Variants in WDR41 observed in about 807,000 individuals in gnomAD.
The protein encoded by WDR41 is WD repeat-containing protein 41.
WDR41 carries 63 observed loss-of-function variants against 69.3 expected under a neutral mutation model. The observed-to-expected ratio is 0.91, with a 90% CI of 0.74 to 1.12. The LOEUF is 1.12. Among genes scored for constraint, WDR41 ranks in the 50% most tolerant of loss-of-function variants. The pLI is 0.00. For synonymous variants in WDR41, 185 were observed against 192.1 expected (o/e 0.96, Z 0.31); for missense variants, 543 against 534.5 (o/e 1.02, Z -0.16).
chr5:77,552,431 G>A (rs1439303358), intron 1 of WDR41, among the ~76,000 whole-genome samples: 1 of 152,140 alleles, frequency 6.6e-6, no homozygotes, highest in Non-Finnish European at 1.5e-5. Flanking sequence ...TTATGAACTG[G>A]AAGACTCAGT....
intron 1 of WDR41, among the ~76,000 whole-genome samples, chr5:77,555,933 A>C (rs906667523): frequency 6.6e-6 from 1 of 152,096 alleles, no homozygotes; most frequent in Non-Finnish European, 1.5e-5. Flanking sequence ...AAACAGAAGG[A>C]AGAGACTTGC....
At chr5:77,545,242 G>A (rs1038380688) in intron 1 of WDR41, among the ~76,000 whole-genome samples, 1 of 151,954 alleles carries the variant, frequency 6.6e-6, no homozygotes. Flanking sequence ...ATCTAAGGTC[G>A]CACCTCAAGG....
intron 1 of WDR41, among the ~76,000 whole-genome samples, chr5:77,601,743 A>G (rs185298301): frequency 1.7e-3 from 263 of 152,340 alleles, no homozygotes; most frequent in African/African-American, 6.0e-3. Flanking sequence ...CAGAATGGAA[A>G]TAAAGTGAAA....
intron 1 of WDR41, among the ~76,000 whole-genome samples, chr5:77,527,282 A>C (rs971088197): frequency 2.0e-5 from 3 of 151,972 alleles, no homozygotes; most frequent in Non-Finnish European, 4.4e-5. Context: ...ACAGTATTAA[A>C]AGTGAAAGGA....
At chr5:77,608,872 C>T (rs529791672) in intron 1 of WDR41, among the ~76,000 whole-genome samples, 2 of 152,226 alleles carry the variant, frequency 1.3e-5, no homozygotes, top group African/African-American at 4.8e-5. Flanking sequence ...TCGGGAAGCA[C>T]AAGGGGACAG....
At chr5:77,451,492 G>C (rs1799627011) in intron 6 of WDR41, 139 bp from the exon 7 acceptor site, 1 of 673,550 alleles carries the variant, frequency 1.5e-6, no homozygotes, top group Non-Finnish European at 2.5e-6. Flanking sequence ...ACACTTCCTT[G>C]CTTGCTTACT....
chr5:77,602,044 C>T (rs920468602), intron 1 of WDR41, among the ~76,000 whole-genome samples: 8 of 152,146 alleles, frequency 5.3e-5, no homozygotes, highest in Non-Finnish European at 1.2e-4. Flanking sequence ...TGTTATCAAA[C>T]ATTACAACTT....
chr5:77,473,237 T>C (rs1422523133), intron 2 of WDR41, among the ~76,000 whole-genome samples: 7 of 152,136 alleles, frequency 4.6e-5, no homozygotes, highest in South Asian at 2.1e-4. Flanking sequence ...AACTGGCTAG[T>C]CATATGCAGA....
intron 9 of WDR41, among the ~76,000 whole-genome samples, chr5:77,440,313 G>A (rs948958854): frequency 4.6e-5 from 7 of 152,058 alleles, no homozygotes; most frequent in Non-Finnish European, 1.0e-4. Context: ...TAGTCCATTG[G>A]TACTAATCTC....
At chr5:77,594,512 AT>A in intron 1 of WDR41, among the ~76,000 whole-genome samples, 1 of 152,312 alleles carries the variant, frequency 6.6e-6, no homozygotes, top group East Asian at 1.9e-4. Flanking sequence ...GTGATCCATG[AT>A]TTTTAAAATT....
At chr5:77,471,822 G>A (rs1447175950) in intron 2 of WDR41, among the ~76,000 whole-genome samples, 1 of 152,130 alleles carries the variant, frequency 6.6e-6, no homozygotes, top group Non-Finnish European at 1.5e-5. Context: ...GGACCAGATG[G>A]ATTCACAGCC....
chr5:77,446,720 CA>C (rs1391326313), intron 8 of WDR41, among the ~76,000 whole-genome samples: 1 of 152,014 alleles, frequency 6.6e-6, no homozygotes, highest in Non-Finnish European at 1.5e-5. Flanking sequence ...ACTGGCTAGC[CA>C]TATGCAGAAA....
intron 1 of WDR41, among the ~76,000 whole-genome samples, chr5:77,554,105 G>A (rs561095136): frequency 1.2e-4 from 18 of 152,214 alleles, no homozygotes; most frequent in African/African-American, 3.4e-4. Flanking sequence ...ATAAATAGTC[G>A]GTTGATACAT....
At chr5:77,449,627 G>A in intron 8 of WDR41, 133 bp downstream of exon 8, 1 of 652,276 alleles carries the variant, frequency 1.5e-6, no homozygotes, top group Non-Finnish European at 2.6e-6. Context: ...AAACTTCAGA[G>A]TAAAAGAGAA....
intron 1 of WDR41, among the ~76,000 whole-genome samples, chr5:77,595,840 T>C (rs1303659819): frequency 6.6e-6 from 1 of 152,220 alleles, no homozygotes; most frequent in Non-Finnish European, 1.5e-5. Flanking sequence ...CAACTTAGCT[T>C]TTCAGATACA....
At chr5:77,526,342 T>C (rs549028361) in intron 1 of WDR41, among the ~76,000 whole-genome samples, 1 of 152,122 alleles carries the variant, frequency 6.6e-6, no homozygotes, top group Non-Finnish European at 1.5e-5. Context: ...TGGTCACAGC[T>C]ACAAAATTAA....
chr5:77,476,624 G>C (rs11750497), intron 2 of WDR41, among the ~76,000 whole-genome samples: 113 of 151,856 alleles, frequency 7.4e-4, no homozygotes, highest in Non-Finnish European at 1.5e-3. Context: ...AGCAAATGCT[G>C]AGAGATTCTG....
At chr5:77,550,831 T>C (rs1319155777) in intron 1 of WDR41, among the ~76,000 whole-genome samples, 1 of 152,156 alleles carries the variant, frequency 6.6e-6, no homozygotes. Context: ...ATGGAGTCAA[T>C]CTAGATGCCC....
At chr5:77,449,136 GTT>G (rs1799520230) in intron 8 of WDR41, among the ~76,000 whole-genome samples, 1 of 152,260 alleles carries the variant, frequency 6.6e-6, no homozygotes, top group African/African-American at 2.4e-5. Context: ...AAGATCAGTG[GTT>G]TGTGATCTTG....
Sources: gnomAD v4.1 joint callset for allele counts (sites outside exome capture counted in the v4.1 genomes callset) on GRCh38, gnomAD v4.1.1 for gene constraint, MANE v1.5 for transcripts, NCBI Gene and HGNC (gene_info 2026-07-23, HGNC 2026-07-21) for gene names.